TMEM67: variants seen among roughly 807,000 people sequenced by gnomAD.
TMEM67 encodes transmembrane protein 67, also known as meckelin.
A neutral mutation model predicts 136.6 loss-of-function variants in TMEM67; 124 were observed. The ratio of observed to expected loss-of-function variants is 0.91; its 90% CI spans 0.78 to 1.05. The LOEUF is 1.05. Among genes scored for constraint, TMEM67 ranks in the 50% least tolerant of loss-of-function variants. The probability of loss-of-function intolerance (pLI) is 0.00; values close to 1 mark genes in which losing one functional copy is unlikely to be tolerated. For missense variants in TMEM67, 1,107 were observed against 1,178.4 expected, an observed-to-expected ratio of 0.94 and a Z score of 0.89; for synonymous variants, 364 against 390.5, an observed-to-expected ratio of 0.93 and a Z score of 0.80.
chr8:93,808,368 A>C (rs1433197597), intron 23 of TMEM67, among the ~76,000 whole-genome samples: 1 of 98,882 alleles, frequency 1.0e-5, no homozygotes, highest in Non-Finnish European at 2.2e-5. Context: ...ATATATATTT[A>C]TCTACTATAA....
At chr8:93,784,808 G>A (rs1400139314) in intron 11 of TMEM67, among the ~76,000 whole-genome samples, 1 of 152,160 alleles carries the variant, frequency 6.6e-6, no homozygotes, top group African/African-American at 2.4e-5. Context: ...AGCCTGGCTT[G>A]GTTAATGGAA....
the TMEM67 span, among the ~76,000 whole-genome samples, chr8:93,831,263 C>T: frequency 6.6e-6 from 1 of 152,134 alleles, no homozygotes; most frequent in Admixed American, 6.5e-5. Context: ...AGACAGGGGG[C>T]CTGGAGAATG....
At position 93,778,644 on chromosome 8, in the gene TMEM67, C is replaced by T. The variant is rs146442983; in HGVS notation, c.715-1949C>T. Among the ~76,000 whole-genome samples, 509 of 152,230 alleles carry T rather than the reference C, an allele frequency of 3.3e-3. 2 individuals are homozygous for T. The highest frequency in any genetic ancestry group is 6.9e-3 in the Admixed American group (106 of 15,268). ...AGTTTGGCTGGATATGAAATTCTGG[C>T]TTGAAAATTCTTTTCTTTAAGAATG... On this transcript the variant is annotated intron_variant, in intron 7 of 27. Coordinates refer to ENST00000453321, the MANE Select transcript of TMEM67 (RefSeq NM_153704.6).
rs1039918351 is a variant in TMEM67, at chr8:93,815,738, A to C, written c.2907+291A>C. 4.6e-5 allele frequency among the ~76,000 whole-genome samples: 7 copies of C among 152,344 alleles called. No individual in the cohort carries two copies. The East Asian group carries it at 1.4e-3, about 29-fold the overall frequency. ...AACTGCTAGTCTCCTAGATGCTACAAGTGAACAGTAATTAGAGTCCCATCC... is the reference window on the plus strand; with the variant it reads ...AACTGCTAGTCTCCTAGATGCTACACGTGAACAGTAATTAGAGTCCCATCC... On this transcript the variant is annotated intron_variant, in intron 27 of 27. Coordinates refer to ENST00000453321, the MANE Select transcript of TMEM67 (RefSeq NM_153704.6).
intron 26 of TMEM67, among the ~76,000 whole-genome samples, chr8:93,813,388 A>G (rs1242297701): frequency 6.6e-6 from 1 of 152,122 alleles, no homozygotes; most frequent in African/African-American, 2.4e-5. Context: ...CATATTGGCC[A>G]GGCTGGCCTC....
chr8:93,796,625 T>C (rs1266571720), intron 18 of TMEM67, among the ~76,000 whole-genome samples: 1 of 152,096 alleles, frequency 6.6e-6, no homozygotes, highest in Non-Finnish European at 1.5e-5. Context: ...AACATATTGC[T>C]TGTATAAATA....
At chr8:93,796,087 C>A in intron 18 of TMEM67, 100 bp downstream of exon 18, 1 of 845,876 alleles carries the variant, frequency 1.2e-6, no homozygotes, top group Non-Finnish European at 2.0e-6. Context: ...GCGTGAAATT[C>A]ACTTTGGTTT....
intron 18 of TMEM67, among the ~76,000 whole-genome samples, chr8:93,796,428 T>C (rs1814620206): frequency 1.3e-5 from 2 of 152,152 alleles, no homozygotes; most frequent in Non-Finnish European, 2.9e-5. Flanking sequence ...CCCAACTCAG[T>C]GTTCTCCATC....
At chr8:93,795,112 T>G in intron 16 of TMEM67, 1 of 456,778 alleles carries the variant, frequency 2.2e-6, no homozygotes, top group African/African-American at 2.0e-5. Flanking sequence ...GGAGGAGAGA[T>G]TAGAGGGGAG....
chr8:93,774,481 A>C (rs2130631518), intron 7 of TMEM67, among the ~76,000 whole-genome samples: 1 of 152,232 alleles, frequency 6.6e-6, no homozygotes, highest in South Asian at 2.1e-4. Context: ...CATTTACATT[A>C]GGTATTTATC....
At chr8:93,793,814 C>T (rs1814491551) in intron 16 of TMEM67, among the ~76,000 whole-genome samples, 1 of 152,046 alleles carries the variant, frequency 6.6e-6, no homozygotes, top group Non-Finnish European at 1.5e-5. Context: ...ATATGTGACC[C>T]ATCCGTTATT....
At chr8:93,781,798 C>G in intron 10 of TMEM67, 54 bp downstream of exon 10, 1 of 1,067,420 alleles carries the variant, frequency 9.4e-7, no homozygotes, top group Non-Finnish European at 1.4e-6. Flanking sequence ...TTGCCTGAGA[C>G]AAAGCCAAGA....
At chr8:93,793,106 AT>A in intron 15 of TMEM67, 91 bp from the exon 16 acceptor site, 10 of 1,187,152 alleles carry the variant, frequency 8.4e-6, no homozygotes, top group East Asian at 2.4e-5. Flanking sequence ...CCACCCCACC[AT>A]TTTTTTGAGC....
the TMEM67 span, among the ~76,000 whole-genome samples, chr8:93,829,491 A>G: frequency 6.7e-6 from 1 of 150,052 alleles, no homozygotes; most frequent in Non-Finnish European, 1.5e-5. Flanking sequence ...CACTGGATCT[A>G]CTCCTCTAAC....
At chr8:93,769,023 C>T (rs1422008245) in intron 6 of TMEM67, among the ~76,000 whole-genome samples, 1 of 152,024 alleles carries the variant, frequency 6.6e-6, no homozygotes, top group Non-Finnish European at 1.5e-5. Flanking sequence ...CCTGGTCCCA[C>T]ACGCAGACAC....
chr8:93,806,747 A>G (rs1295870193), intron 23 of TMEM67, among the ~76,000 whole-genome samples: 2 of 152,146 alleles, frequency 1.3e-5, no homozygotes, highest in Non-Finnish European at 2.9e-5. Flanking sequence ...CTTGTGATTA[A>G]AAAGTTAAAT....
intron 22 of TMEM67, 100 bp downstream of exon 22, chr8:93,803,784 T>G: frequency 1.3e-6 from 1 of 767,498 alleles, no homozygotes; most frequent in Non-Finnish European, 2.3e-6. Context: ...TATGATTGAA[T>G]TTTTGGGCCA....
rs140171605 is a variant in TMEM67, at chr8:93,768,798, C to G, written c.651+3152C>G. Among the ~76,000 whole-genome samples, 735 of 152,140 alleles carry G rather than the reference C, an allele frequency of 4.8e-3. 8 individuals carry two copies. The highest frequency in any genetic ancestry group is 0.045 in the South Asian group (215 of 4,806). On this transcript the variant is annotated intron_variant, in intron 6 of 27. Transcript: ENST00000453321. ...ACCAATCTTCCAACCCCCTCACTTT[C>G]TATTCCACCTCCACATTCTCCCTCC...
At chr8:93,811,548 T>A (rs1042223892) in intron 26 of TMEM67, among the ~76,000 whole-genome samples, 2 of 152,174 alleles carry the variant, frequency 1.3e-5, no homozygotes, top group Admixed American at 6.5e-5. Flanking sequence ...AATTTTTTTT[T>A]ATTTTTTTGC....
Sources: allele counts gnomAD v4.1 joint callset (sites outside exome capture counted in the v4.1 genomes callset), GRCh38; gene constraint gnomAD v4.1.1; transcripts MANE v1.5; gene names NCBI Gene and HGNC (gene_info 2026-07-23, HGNC 2026-07-21).